The following FANCC variants were observed in gnomAD, a reference collection of about 807,000 sequenced individuals.
The protein encoded by FANCC is FA complementation group C.
A neutral mutation model predicts 71.3 loss-of-function variants in FANCC; 55 were observed. The ratio of observed to expected loss-of-function variants is 0.77; its 90% confidence interval spans 0.62 to 0.97. FANCC has a LOEUF of 0.97. Ranked by LOEUF, FANCC falls within the 50% of genes least tolerant of loss-of-function variation. The pLI is 0.00. For synonymous variants in FANCC, 275 were observed against 244.9 expected, an observed-to-expected ratio of 1.12 and a Z score of -1.15; for missense variants, 678 against 670.9, an observed-to-expected ratio of 1.01 and a Z score of -0.12.
chr9:95,288,306 G>A lies in FANCC; in HGVS notation c.-79+29220C>T, dbSNP rs184107279. On this transcript the variant is annotated intron_variant, in intron 1 of 14. Coordinates refer to ENST00000289081, the MANE Select transcript of FANCC (RefSeq NM_000136.3). ...GATGCCTTTACCAAGACCATATATA[G>A]GAGAAAATTAAACTTGGTTTGGCTA... Among the ~76,000 whole-genome samples the A allele has an allele frequency of 2.0e-5, 3 of 152,164 alleles. No homozygotes were observed. In the East Asian group the frequency reaches 5.8e-4, roughly 29 times the overall value.
At chr9:95,143,409 T>C (rs1829058108) in intron 7 of FANCC, among the ~76,000 whole-genome samples, 1 of 152,158 alleles carries the variant, frequency 6.6e-6, no homozygotes, top group Non-Finnish European at 1.5e-5. Context: ...TTGGTTCCTT[T>C]GGCTACCAGC....
In FANCC at chr9:95,301,584, T is replaced by C. The variant is rs763418412; in HGVS notation, c.-79+15942A>G. On this transcript the variant is annotated intron_variant, in intron 1 of 14. Transcript: ENST00000289081. Reference sequence around the variant, plus strand: ...CTGGGACCACAGGCATGCACCACCATGCCCAGCTAATTCTTTTTTTCTAGA... The same window carrying C: ...CTGGGACCACAGGCATGCACCACCACGCCCAGCTAATTCTTTTTTTCTAGA... Among the ~76,000 whole-genome samples the C allele has an allele frequency of 5.5e-4, 83 of 152,090 alleles. 2 individuals are homozygous for C. Among genetic ancestry groups the C allele is most frequent in the Admixed American group, 1.1e-3 (17 of 15,276 alleles).
At chr9:95,122,241 T>G (rs1252758389) in intron 10 of FANCC, among the ~76,000 whole-genome samples, 1 of 152,000 alleles carries the variant, frequency 6.6e-6, no homozygotes, top group South Asian at 2.1e-4. Flanking sequence ...TTATTAGATA[T>G]CAGGTTTACA....
At chr9:95,163,739 C>T (rs1830891288) in intron 6 of FANCC, among the ~76,000 whole-genome samples, 1 of 152,168 alleles carries the variant, frequency 6.6e-6, no homozygotes, top group Non-Finnish European at 1.5e-5. Context: ...ATCCCAGCTA[C>T]TCGGGAGGCT....
Position 95,113,195 on chromosome 9 carries a change from T to A in FANCC, c.1154+1434A>T, listed in dbSNP as rs181667826. Among the ~76,000 whole-genome samples the A allele has an allele frequency of 5.9e-5, 9 of 152,236 alleles. No homozygotes were observed. In the East Asian group the frequency reaches 1.7e-3, roughly 29 times the overall value. ...GCAGGCCTTTTTTGTCTGGTCTCTG[T>A]CGGTAAGAATCATGGTGAGGAAGGA... On this transcript the variant is annotated intron_variant, in intron 12 of 14. Transcript: ENST00000289081.
Position 95,316,680 on chromosome 9 carries a change from T to C in FANCC, c.-79+846A>G, listed in dbSNP as rs181995802. Among the ~76,000 whole-genome samples, 126 of 152,326 alleles carry C rather than the reference T, an allele frequency of 8.3e-4. 2 individuals carry two copies. The highest frequency in any genetic ancestry group is 2.9e-3 in the African/African-American group (122 of 41,574). ...CTTTGCTAGAAAACTCCTTGGTCTC[T>C]TCCCTTAAGATTCTGGTACCCAATT... On this transcript the variant is annotated intron_variant, in intron 1 of 14. Coordinates refer to ENST00000289081, the MANE Select transcript of FANCC (RefSeq NM_000136.3).
chr9:95,294,783 G>A (rs1834272492), intron 1 of FANCC: 22 of 1,567,960 alleles, frequency 1.4e-5, no homozygotes, highest in African/African-American at 2.7e-5. Context: ...AGACTTCTGC[G>A]GAACCACACA....
At chr9:95,227,184 T>G (rs554176364) in intron 4 of FANCC, among the ~76,000 whole-genome samples, 12 of 152,296 alleles carry the variant, frequency 7.9e-5, no homozygotes, top group African/African-American at 2.9e-4. Flanking sequence ...ATCTACTTGG[T>G]CAGTTCGGGA....
intron 8 of FANCC, among the ~76,000 whole-genome samples, chr9:95,130,007 G>A (rs986399490): frequency 6.6e-6 from 1 of 151,978 alleles, no homozygotes; most frequent in Non-Finnish European, 1.5e-5. Context: ...AAAACACAAG[G>A]GAAGACAAAG....
At chr9:95,154,596 A>G (rs1830355826) in intron 6 of FANCC, among the ~76,000 whole-genome samples, 1 of 152,226 alleles carries the variant, frequency 6.6e-6, no homozygotes, top group African/African-American at 2.4e-5. Flanking sequence ...TTGCATAAAG[A>G]TATCCACAAT....
At chr9:95,204,286 ATC>A (rs1052934931) in intron 4 of FANCC, among the ~76,000 whole-genome samples, 2 of 152,338 alleles carry the variant, frequency 1.3e-5, no homozygotes, top group Admixed American at 6.5e-5. Flanking sequence ...ATGGCTATAT[ATC>A]TGTTTTATGA....
intron 1 of FANCC, chr9:95,293,767 C>G (rs1834204201): frequency 6.2e-7 from 1 of 1,613,964 alleles, no homozygotes; most frequent in Non-Finnish European, 8.5e-7. Flanking sequence ...GCTGCTCAGA[C>G]TGATGCATTT....
In FANCC at chr9:95,175,133, C is replaced by A. The variant is rs185690770; in HGVS notation, c.346-2986G>T. On this transcript the variant is annotated intron_variant, in intron 4 of 14. Coordinates refer to ENST00000289081, the MANE Select transcript of FANCC (RefSeq NM_000136.3). The stretch of plus-strand genomic sequence containing the variant: ...ATGTACTTTCTCCCTGTGAGCTCAC[C>A]CCTGCCTCCGTATCCTTAAAAGAGA... Among the ~76,000 whole-genome samples, 504 of 152,128 alleles carry A rather than the reference C, an allele frequency of 3.3e-3. 9 individuals are homozygous for A. In the East Asian group the frequency reaches 0.043, roughly 13 times the overall value.
intron 4 of FANCC, among the ~76,000 whole-genome samples, chr9:95,173,875 G>A (rs1337279152): frequency 2.6e-5 from 4 of 152,210 alleles, no homozygotes; most frequent in Non-Finnish European, 5.9e-5. Flanking sequence ...CAGGCTGGGA[G>A]TTGAGAGTGA....
chr9:95,281,337 G>A (rs574424160), intron 1 of FANCC, among the ~76,000 whole-genome samples: 6 of 151,924 alleles, frequency 3.9e-5, no homozygotes, highest in Non-Finnish European at 8.8e-5. Context: ...GTACTAATAT[G>A]CCTAACAAGA....
intron 7 of FANCC, among the ~76,000 whole-genome samples, chr9:95,140,103 A>C (rs995639652): frequency 1.3e-5 from 2 of 151,958 alleles, no homozygotes; most frequent in Non-Finnish European, 2.9e-5. Flanking sequence ...TAATTGGGAG[A>C]GTTTTCTGTA....
intron 4 of FANCC, among the ~76,000 whole-genome samples, chr9:95,187,093 G>C (rs1162813067): frequency 2.6e-5 from 4 of 151,914 alleles, no homozygotes; most frequent in African/African-American, 9.7e-5. Flanking sequence ...TTTTAAAAAC[G>C]GTGTTAGGTC....
chr9:95,292,658 C>A (rs754524370), intron 1 of FANCC: 4 of 1,384,314 alleles, frequency 2.9e-6, no homozygotes, highest in East Asian at 2.3e-5. Context: ...TGGTCAAGAG[C>A]CACCGCATGC....
intron 4 of FANCC, among the ~76,000 whole-genome samples, chr9:95,224,119 G>A (rs760249260): frequency 2.6e-5 from 4 of 152,166 alleles, no homozygotes; most frequent in East Asian, 1.9e-4. Context: ...CATATAATAT[G>A]GCAGTTTGTA....
Sources: gnomAD v4.1 joint callset for allele counts (sites outside exome capture counted in the v4.1 genomes callset) on GRCh38, gnomAD v4.1.1 for gene constraint, MANE v1.5 for transcripts, NCBI Gene and HGNC (gene_info 2026-07-23, HGNC 2026-07-21) for gene names.